The following C5 variants were observed in gnomAD, a reference collection of about 807,000 sequenced individuals.
The protein encoded by C5 is complement C5, also known as C3 and PZP-like alpha-2-macroglobulin domain-containing protein 4.
In C5, 140 loss-of-function variants were observed where a neutral mutation model predicts 218.8. That is an observed-to-expected ratio of 0.64 (90% CI 0.56 to 0.74). The LOEUF is 0.74. C5 is among the 30% of genes least tolerant of loss of function. The pLI is 0.00. For missense variants in C5, 1,700 were observed against 1,969.6 expected, an observed-to-expected ratio of 0.86 and a Z score of 2.59; for synonymous variants, 614 against 682.3, an observed-to-expected ratio of 0.90 and a Z score of 1.56.
Position 121,010,103 on chromosome 9 carries a change from G to T in C5, c.2258-1605C>A, listed in dbSNP as rs1049644203. On this transcript the variant is annotated intron_variant, in intron 17 of 40. Coordinates refer to ENST00000223642, the MANE Select transcript of C5 (RefSeq NM_001735.3). ...AGGCCACAAGGACTGCAATTTCTAG[G>T]CAAGTCCTAGTGCACTGGAAGTCCT... Among the ~76,000 whole-genome samples the T allele has an allele frequency of 8.5e-5, 13 of 152,314 alleles. No individual in the cohort carries two copies. The East Asian group carries it at 2.1e-3, about 25-fold the overall frequency.
intron 6 of C5, among the ~76,000 whole-genome samples, chr9:121,031,907 T>C (rs1418121588): frequency 6.6e-6 from 1 of 151,872 alleles, no homozygotes; most frequent in Non-Finnish European, 1.5e-5. Context: ...CTACTAAAAA[T>C]ACAAAAATTA....
chr9:120,953,605 A>G, intron 40 of C5, 125 bp downstream of exon 40: 2 of 989,932 alleles, frequency 2.0e-6, no homozygotes, highest in South Asian at 2.7e-5. Flanking sequence ...TGACATTAAT[A>G]TTATTTAGTT....
chr9:121,065,741 G>T, the C5 span, among the ~76,000 whole-genome samples: 2 of 152,048 alleles, frequency 1.3e-5, no homozygotes, highest in Non-Finnish European at 2.9e-5. Context: ...ACCCACCTCG[G>T]TCTTCCAAAG....
At position 120,953,804 on chromosome 9, in the gene C5, A is replaced by G; in HGVS notation, c.4827T>C (p.Ala1609=). 6.2e-7 allele frequency: 1 copy of G among 1,613,842 alleles called. No individual in the cohort carries two copies. Among genetic ancestry groups the G allele is most frequent in the Non-Finnish European group, 8.5e-7 (1 of 1,179,698 alleles). Residue 1609 remains alanine, a synonymous_variant, in exon 40 of 41, where the codon GCT becomes GCC. Transcript: ENST00000223642. The part of the protein sequence containing the change: ...TFIKKVTCTN[A]ELVKGRQYLI... Reference sequence around the variant, plus strand: ...AGTACTGTCTTCCTTTTACCAGCTCAGCGTTAGTACAGGTTACCTTTTTAA... The same window carrying G: ...AGTACTGTCTTCCTTTTACCAGCTCGGCGTTAGTACAGGTTACCTTTTTAA...
At chr9:121,008,953 C>CAAACAA (rs1249215870) in intron 17 of C5, among the ~76,000 whole-genome samples, 26 of 151,910 alleles carry the variant, frequency 1.7e-4, no homozygotes, top group Non-Finnish European at 3.1e-4. Flanking sequence ...AACAAACAAA[C>CAAACAA]AAACTATAAA....
At chr9:121,046,092 T>C (rs2047624316) in intron 2 of C5, 99 bp downstream of exon 2, 3 of 564,242 alleles carry the variant, frequency 5.3e-6, no homozygotes, top group East Asian at 3.2e-5. Flanking sequence ...TGGATGTAAA[T>C]GATTAAATCT....
Position 120,974,866 on chromosome 9 carries a change from A to G in C5, c.3930T>C (p.Ser1310=). 1.2e-6 allele frequency: 2 copies of G among 1,613,958 alleles called. No homozygotes were observed. Among genetic ancestry groups the G allele is most frequent in the African/African-American group, 1.3e-5 (1 of 75,044 alleles). Residue 1310 remains serine (S), a synonymous_variant, in exon 30 of 41, where the codon AGT becomes AGC. Transcript: ENST00000223642. ...GCTTGTAAGAAACATCGATGTCCATACTCAAGCGGAGTTGTTTAACCAGGA... is the reference window on the plus strand; with the variant it reads ...GCTTGTAAGAAACATCGATGTCCATGCTCAAGCGGAGTTGTTTAACCAGGA... ...YSLLVKQLRL[S]MDIDVSYKHK...
chr9:121,046,391 A>G lies in C5; in HGVS notation c.66-8T>C, dbSNP rs367993230. 1 of 1,597,582 alleles carries G rather than the reference A, an allele frequency of 6.3e-7. No homozygotes were observed. Among genetic ancestry groups the G allele is most frequent in the African/African-American group, 1.3e-5 (1 of 74,556 alleles). On this transcript the variant is annotated splice_polypyrimidine_tract_variant and splice_region_variant and intron_variant, in intron 1 of 40. Transcript: ENST00000223642. Reference sequence around the variant, plus strand: ...GGTGCTGAAATGACATATCTGTTGAAAAAGGAAAAGATAAGGCTCAATGTC... The same window carrying G: ...GGTGCTGAAATGACATATCTGTTGAGAAAGGAAAAGATAAGGCTCAATGTC...
intron 11 of C5, among the ~76,000 whole-genome samples, chr9:121,020,392 G>A (rs183118695): frequency 2.0e-5 from 3 of 152,194 alleles, no homozygotes; most frequent in Admixed American, 6.5e-5. Flanking sequence ...GGGATTATGG[G>A]CTATGGCGGA....
intron 10 of C5, among the ~76,000 whole-genome samples, chr9:121,022,160 C>T (rs1471794128): frequency 6.6e-6 from 1 of 152,116 alleles, no homozygotes; most frequent in Non-Finnish European, 1.5e-5. Context: ...CTTCTGCTAT[C>T]TAACTTCTGT....
rs572345213 is a variant in C5 at position 121,002,316 on chromosome 9, G to GTGTGTGTGTATATATA, written c.2562+3602_2562+3603insTATATATACACACACA. On this transcript the variant is annotated intron_variant, in intron 20 of 40. Coordinates refer to ENST00000223642, the MANE Select transcript of C5 (RefSeq NM_001735.3). ...TATATATGTATATATATATGTGTGT[G>GTGTGTGTGTATATATA]TATATATATATATATATATATATAT... Among the ~76,000 whole-genome samples, 113 of 87,384 alleles carry GTGTGTGTGTATATATA rather than the reference G, an allele frequency of 1.3e-3. 2 individuals carry two copies. Among genetic ancestry groups the GTGTGTGTGTATATATA allele is most frequent in the South Asian group, 2.5e-3 (6 of 2,376 alleles). The allele number at this position is 87,384 out of a possible 152,430, so 57.3% of individuals were successfully genotyped here. A position where few individuals can be genotyped will look rare whatever the true frequency, so the allele number is the denominator to read the frequency against.
intron 20 of C5, among the ~76,000 whole-genome samples, chr9:121,002,341 TACACAC>T (rs150670666): frequency 4.1e-5 from 3 of 72,642 alleles, no homozygotes; most frequent in South Asian, 6.7e-4. Context: ...TATATATATA[TACACAC>T]ATACCTACAC....
intron 25 of C5, among the ~76,000 whole-genome samples, chr9:120,987,862 G>A (rs995209361): frequency 9.2e-5 from 14 of 151,770 alleles, no homozygotes; most frequent in Admixed American, 5.2e-4. Flanking sequence ...GCGCGATCTC[G>A]GCTCACTGTA....
chr9:121,072,751 A>G, the C5 span, among the ~76,000 whole-genome samples: 1 of 149,988 alleles, frequency 6.7e-6, no homozygotes, highest in East Asian at 2.0e-4. Context: ...GGTTGCACTG[A>G]GCCGAGATCC....
chr9:121,013,794 A>G, intron 17 of C5, 79 bp downstream of exon 17: 1 of 1,212,862 alleles, frequency 8.2e-7, no homozygotes. Flanking sequence ...AGATCATGAA[A>G]ACTGCCTTTC....
intron 40 of C5, 78 bp downstream of exon 40, chr9:120,953,652 A>T (rs2046763434): frequency 2.9e-6 from 4 of 1,395,844 alleles, no homozygotes; most frequent in Non-Finnish European, 4.1e-6. Flanking sequence ...GGCCATAAGA[A>T]ACACGTAGTG....
intron 14 of C5, among the ~76,000 whole-genome samples, chr9:121,016,799 C>T (rs1351608429): frequency 6.6e-6 from 1 of 152,034 alleles, no homozygotes; most frequent in Non-Finnish European, 1.5e-5. Flanking sequence ...TGGGGAGGTC[C>T]CTAGGTTCTA....
chr9:120,957,921 C>T (rs1227600062), intron 38 of C5, among the ~76,000 whole-genome samples: 1 of 152,224 alleles, frequency 6.6e-6, no homozygotes, highest in African/African-American at 2.4e-5. Flanking sequence ...ATCCTGTTTT[C>T]CCTTCATTCA....
At chr9:121,060,630 C>G in the C5 span, among the ~76,000 whole-genome samples, 3 of 151,920 alleles carry the variant, frequency 2.0e-5, no homozygotes, top group Non-Finnish European at 4.4e-5. Flanking sequence ...TCCAAAATAA[C>G]TGCCAAATCT....
Sources: allele counts gnomAD v4.1 joint callset (sites outside exome capture counted in the v4.1 genomes callset), GRCh38; gene constraint gnomAD v4.1.1; transcripts MANE v1.5; gene names NCBI Gene and HGNC (gene_info 2026-07-23, HGNC 2026-07-21).